Variants in ALPL observed in about 807,000 individuals in gnomAD.
ALPL encodes the protein alkaline phosphatase, tissue-nonspecific isozyme.
Under a neutral mutation model 51.3 loss-of-function variants are expected in ALPL, and 42 were observed. That is an observed-to-expected ratio of 0.82 (90% CI 0.64 to 1.06). The LOEUF is 1.06. Ranked by LOEUF, ALPL falls within the 50% of genes least tolerant of loss-of-function variation. ALPL has a pLI of 0.00. For synonymous variants in ALPL, 279 were observed against 296.4 expected, an observed-to-expected ratio of 0.94 and a Z score of 0.60; for missense variants, 589 against 709.4, an observed-to-expected ratio of 0.83 and a Z score of 1.93.
intron 1 of ALPL, among the ~76,000 whole-genome samples, chr1:21,538,242 G>A (rs1470613776): frequency 1.3e-5 from 2 of 152,174 alleles, no homozygotes; most frequent in Admixed American, 1.3e-4. Context: ...TGAGCTGCAT[G>A]CCCTTGGGTG....
intron 1 of ALPL, among the ~76,000 whole-genome samples, chr1:21,541,109 T>C (rs6671057): frequency 0.58 from 88,046 of 151,868 alleles, 26,003 homozygotes; most frequent in East Asian, 0.83. Flanking sequence ...TCCCAAAGCA[T>C]ATGGTGGCTT....
chr1:21,540,297 TCTCCCTACTGCGC>T (rs113643806), intron 1 of ALPL, among the ~76,000 whole-genome samples: 1 of 150,066 alleles, frequency 6.7e-6, no homozygotes, highest in African/African-American at 2.4e-5. Flanking sequence ...TCCCCTGCGA[TCTCCCTACTGCGC>T]CTCCCTGCTG....
intron 2 of ALPL, among the ~76,000 whole-genome samples, chr1:21,554,455 C>CAT (rs1644372405): frequency 6.9e-6 from 1 of 144,984 alleles, no homozygotes; most frequent in African/African-American, 2.5e-5. Flanking sequence ...TATATTTTTC[C>CAT]ATATATATAT....
intron 6 of ALPL, among the ~76,000 whole-genome samples, chr1:21,567,010 C>T (rs1644574564): frequency 6.6e-6 from 1 of 152,174 alleles, no homozygotes; most frequent in African/African-American, 2.4e-5. Flanking sequence ...AGCTCACGGC[C>T]ATGACCATGG....
chr1:21,573,517 A>T (rs969919976), intron 8 of ALPL, 148 bp from the exon 9 acceptor site: 2 of 894,618 alleles, frequency 2.2e-6, no homozygotes, highest in Admixed American at 2.3e-5. Flanking sequence ...CACAAAAATC[A>T]CCCAGATAAG....
intron 1 of ALPL, among the ~76,000 whole-genome samples, chr1:21,525,145 C>T (rs749367340): frequency 6.6e-6 from 1 of 152,238 alleles, no homozygotes; most frequent in African/African-American, 2.4e-5. Context: ...CCTGCCTGCC[C>T]CACTTCCCCC....
At chr1:21,536,086 A>C (rs1429048456) in intron 1 of ALPL, among the ~76,000 whole-genome samples, 2 of 152,254 alleles carry the variant, frequency 1.3e-5, no homozygotes, top group African/African-American at 2.4e-5. Context: ...CAATAGATGC[A>C]TGGAACCTGG....
intron 7 of ALPL, among the ~76,000 whole-genome samples, chr1:21,569,248 C>G (rs1162219105): frequency 6.6e-6 from 1 of 152,196 alleles, no homozygotes; most frequent in Admixed American, 6.5e-5. Flanking sequence ...CTCAGTTTCT[C>G]TACGTGGCAC....
chr1:21,529,083 A>G lies in ALPL; in HGVS notation c.-105+19566A>G, dbSNP rs994072081. On this transcript the variant is annotated intron_variant, in intron 1 of 11. Coordinates refer to ENST00000374840, the MANE Select transcript of ALPL (RefSeq NM_000478.6). Reference sequence around the variant, plus strand: ...AGACTCCATCTCAAAAAAAAAAAAAAGAAAATATTATGGAGTCAGTATTCT... The same window carrying G: ...AGACTCCATCTCAAAAAAAAAAAAAGGAAAATATTATGGAGTCAGTATTCT... Among the ~76,000 whole-genome samples, 5 of 148,868 alleles carry G rather than the reference A, an allele frequency of 3.4e-5. No individual in the cohort carries two copies. In the East Asian group the frequency reaches 8.3e-4, roughly 25 times the overall value.
chr1:21,573,811 G>T lies in ALPL; in HGVS notation c.997+12G>T, dbSNP rs367791610. ...CTTGCTGGTGGAAGGTAGGGACCCC[G>T]GGTCTGCTGAGAGGGGGCTGCTGGA... is the stretch of plus-strand genomic sequence containing the variant. On this transcript the variant is annotated intron_variant, in intron 9 of 11. Coordinates refer to ENST00000374840, the MANE Select transcript of ALPL (RefSeq NM_000478.6). 2 of 1,613,970 alleles carry T rather than the reference G, an allele frequency of 1.2e-6. No homozygotes were observed. The highest frequency in any genetic ancestry group is 2.7e-5 in the African/African-American group (2 of 74,934).
rs1196976671 is a variant in ALPL at position 21,577,475 on chromosome 1, G to T, written c.1402G>T (p.Ala468Ser). 1 of 1,610,542 alleles carries T rather than the reference G, an allele frequency of 6.2e-7. No homozygotes were observed. The highest frequency in any genetic ancestry group is 2.2e-5 in the East Asian group (1 of 44,868). ...GGCCGTCTTCTCCAAGGGCCCCATG[G>T]CGCACCTGCTGCACGGCGTCCACGA... ...DVAVFSKGPM[A>S]HLLHGVHEQN... is the part of the protein sequence containing the mutation. Residue 468 changes from alanine to serine, a missense_variant, in exon 12 of 12, where the codon GCG (alanine) becomes TCG (serine). Transcript: ENST00000374840.
At chr1:21,520,469 T>C (rs1187846957) in intron 1 of ALPL, among the ~76,000 whole-genome samples, 1 of 143,806 alleles carries the variant, frequency 7.0e-6, no homozygotes, top group African/African-American at 2.6e-5. Context: ...TTTTTCTCTT[T>C]TTTTTTTTTT....
At chr1:21,561,065 CGAGA>C in intron 3 of ALPL, 28 bp from the exon 4 acceptor site, 1 of 1,564,564 alleles carries the variant, frequency 6.4e-7, no homozygotes, top group Non-Finnish European at 8.7e-7. Context: ...GGCAGGAGCA[CGAGA>C]GACTGAGGCC....
At chr1:21,576,486 C>G in intron 10 of ALPL, 36 bp from the exon 11 acceptor site, 3 of 1,610,444 alleles carry the variant, frequency 1.9e-6, no homozygotes, top group Non-Finnish European at 2.5e-6. Context: ...CTCCTGGGGC[C>G]CCAGCATGAC....
intron 1 of ALPL, among the ~76,000 whole-genome samples, chr1:21,522,286 G>A (rs751936149): frequency 6.6e-6 from 1 of 152,100 alleles, no homozygotes; most frequent in Non-Finnish European, 1.5e-5. Flanking sequence ...ATGTTAGCCA[G>A]GATGGTCTCC....
chr1:21,523,024 G>A (rs769828276), intron 1 of ALPL, among the ~76,000 whole-genome samples: 1 of 152,204 alleles, frequency 6.6e-6, no homozygotes, highest in African/African-American at 2.4e-5. Flanking sequence ...AGTGGCCCCT[G>A]CCTGTAATCC....
chr1:21,542,939 C>A lies in ALPL; in HGVS notation c.-104-11039C>A, dbSNP rs1194376907. ...GGCTGAGGCAGGAGGATCACTTGAA[C>A]CCAGGAGTTCGAGACTAGCCTGGGC... On this transcript the variant is annotated intron_variant, in intron 1 of 11. Coordinates refer to ENST00000374840, the MANE Select transcript of ALPL (RefSeq NM_000478.6). 2.6e-5 allele frequency among the ~76,000 whole-genome samples: 4 copies of A among 152,020 alleles called. No homozygotes were observed. The East Asian group carries it at 7.7e-4, about 29-fold the overall frequency.
chr1:21,525,499 C>T (rs563366005), intron 1 of ALPL, among the ~76,000 whole-genome samples: 46 of 152,366 alleles, frequency 3.0e-4, no homozygotes, highest in African/African-American at 1.1e-3. Context: ...GCGGCCTCTC[C>T]TGGCGTGCTC....
At chr1:21,525,536 G>C (rs1194239280) in intron 1 of ALPL, among the ~76,000 whole-genome samples, 1 of 152,254 alleles carries the variant, frequency 6.6e-6, no homozygotes, top group East Asian at 1.9e-4. Context: ...CTTGGCACTT[G>C]TCAGGGTGGA....
Sources: allele counts gnomAD v4.1 joint callset (sites outside exome capture counted in the v4.1 genomes callset), GRCh38; gene constraint gnomAD v4.1.1; transcripts MANE v1.5; gene names NCBI Gene and HGNC (gene_info 2026-07-23, HGNC 2026-07-21).